EPHA7: variants seen among roughly 807,000 people sequenced by gnomAD.
EPHA7 encodes the protein ephrin type-A receptor 7.
In EPHA7, 25 loss-of-function variants were observed where a neutral mutation model predicts 112.6. The ratio of observed to expected loss-of-function variants is 0.22; its 90% CI spans 0.16 to 0.31. The LOEUF is 0.31. EPHA7 is among the 10% of genes least tolerant of loss of function. The pLI is 1.00. For missense variants in EPHA7, 962 were observed against 1,212.6 expected (o/e 0.79, Z 3.07); for synonymous variants, 437 against 406.5 (o/e 1.07, Z -0.90).
intron 1 of EPHA7, among the ~76,000 whole-genome samples, chr6:93,418,938 G>C (rs1035025791): frequency 1.3e-5 from 2 of 152,174 alleles, no homozygotes; most frequent in Admixed American, 6.5e-5. Flanking sequence ...AAATAAGCTC[G>C]CCGGCAGTTC....
intron 5 of EPHA7, among the ~76,000 whole-genome samples, chr6:93,273,865 G>T (rs569318622): frequency 6.6e-6 from 1 of 151,922 alleles, no homozygotes; most frequent in South Asian, 2.1e-4. Flanking sequence ...AGACTGCAAC[G>T]TTCAAGAGGC....
rs9452297 is a variant in EPHA7, at chr6:93,356,455, G to A, written c.1324+262C>T. 7.8e-3 allele frequency among the ~76,000 whole-genome samples: 1,190 copies of A among 152,008 alleles called. 17 individuals carry two copies. Among genetic ancestry groups the A allele is most frequent in the African/African-American group, 0.027 (1,128 of 41,452 alleles). ...GCTGACCTTGTGATCTGCCCGCCTCGGCCTCCCAAAATGCTGGGATTACAG... is the reference window on the plus strand; with the variant it reads ...GCTGACCTTGTGATCTGCCCGCCTCAGCCTCCCAAAATGCTGGGATTACAG... On this transcript the variant is annotated intron_variant, in intron 5 of 16. Transcript: ENST00000369303.
chr6:93,356,500 G>A (rs1486731646), intron 5 of EPHA7, among the ~76,000 whole-genome samples: 2 of 152,022 alleles, frequency 1.3e-5, no homozygotes, highest in South Asian at 2.1e-4. Context: ...ACCGCGCCTG[G>A]CCAATTTTAT....
At chr6:93,244,393 T>C (rs2127844802) in intron 16 of EPHA7, among the ~76,000 whole-genome samples, 1 of 152,116 alleles carries the variant, frequency 6.6e-6, no homozygotes, top group Admixed American at 6.5e-5. Flanking sequence ...TACCAGAAAA[T>C]AATATTTGAT....
intron 5 of EPHA7, among the ~76,000 whole-genome samples, chr6:93,287,441 C>T (rs1199769137): frequency 6.6e-6 from 1 of 151,812 alleles, no homozygotes; most frequent in Non-Finnish European, 1.5e-5. Context: ...CTCTCAGTAG[C>T]ATTAATATTT....
chr6:93,293,625 A>G (rs1772498436), intron 5 of EPHA7, among the ~76,000 whole-genome samples: 1 of 152,176 alleles, frequency 6.6e-6, no homozygotes, highest in African/African-American at 2.4e-5. Flanking sequence ...GTAACAAGTG[A>G]CAATATCAAC....
chr6:93,379,001 G>T (rs1315470253), intron 3 of EPHA7, among the ~76,000 whole-genome samples: 1 of 151,960 alleles, frequency 6.6e-6, no homozygotes, highest in Non-Finnish European at 1.5e-5. Context: ...CATAGAAATG[G>T]AGATGAAAAA....
Position 93,272,416 on chromosome 6 carries a change from G to T in EPHA7, c.1331C>A (p.Ser444Ter). 6.2e-7 allele frequency: 1 copy of T among 1,611,504 alleles called. No individual in the cohort carries two copies. Among genetic ancestry groups the T allele is most frequent in the Non-Finnish European group, 8.5e-7 (1 of 1,178,274 alleles). Residue 444 changes from serine (S) to a stop codon, truncating the protein, a stop_gained, in exon 6 of 17, where the codon TCG becomes TAG. Coordinates refer to ENST00000369303, the MANE Select transcript of EPHA7 (RefSeq NM_004440.4). LOFTEE classifies it high-confidence loss of function. The stretch of plus-strand genomic sequence containing the variant: ...CTCCTTCATTACTCCACTCACTTGC[G>T]AGGGAGCTGTTTGGACAAGATGTGT... ...VSITTGQAAP[S>*]QVSGVMKERV...
rs376059398 is a variant in EPHA7 at position 93,242,779 on chromosome 6, C to T, written c.*647G>A. 10 of 207,528 alleles carry T rather than the reference C, an allele frequency of 4.8e-5. No individual in the cohort carries two copies. Among genetic ancestry groups the T allele is most frequent in the East Asian group, 3.7e-4 (5 of 13,488 alleles). 12.9% of individuals were successfully genotyped at this position (207,528 alleles called of 1,614,324 possible). On this transcript the variant is annotated 3_prime_UTR_variant, in exon 17 of 17. Coordinates refer to ENST00000369303, the MANE Select transcript of EPHA7 (RefSeq NM_004440.4). The stretch of plus-strand genomic sequence containing the variant: ...AACTTGCATTTTCTTGACTACCTGC[C>T]AATTAGCAAACAATATCAAAACAGC...
intron 3 of EPHA7, among the ~76,000 whole-genome samples, chr6:93,376,717 T>C (rs746992505): frequency 1.1e-4 from 16 of 152,162 alleles, no homozygotes; most frequent in Admixed American, 1.3e-4. Flanking sequence ...TGAGGAAATG[T>C]AAGAGCTTTT....
At chr6:93,273,056 T>C (rs1226658021) in intron 5 of EPHA7, among the ~76,000 whole-genome samples, 2 of 151,956 alleles carry the variant, frequency 1.3e-5, no homozygotes, top group African/African-American at 4.8e-5. Context: ...CTCTTGCATG[T>C]GTAATTTATA....
chr6:93,364,384 C>T (rs1161680120), intron 3 of EPHA7, among the ~76,000 whole-genome samples: 1 of 151,740 alleles, frequency 6.6e-6, no homozygotes, highest in Non-Finnish European at 1.5e-5. Context: ...ATTAGCCAGG[C>T]GTGGTGGCAG....
rs1773195811 is a variant in EPHA7, at chr6:93,305,275, AAAAGT to A, written c.1325-32858_1325-32854del. ...AGGGTGAACAGTAAAAGACCAAAAT[AAAAGT>A]AAAAGATGGTATTAGTGAAAGGAGA... On this transcript the variant is annotated intron_variant, in intron 5 of 16. Coordinates refer to ENST00000369303, the MANE Select transcript of EPHA7 (RefSeq NM_004440.4). Among the ~76,000 whole-genome samples, 3 of 152,056 alleles carry A rather than the reference AAAAGT, an allele frequency of 2.0e-5. No homozygotes were observed. The South Asian group carries it at 6.2e-4, about 31-fold the overall frequency.
chr6:93,266,309 G>A (rs920610382), intron 7 of EPHA7, among the ~76,000 whole-genome samples: 1 of 151,500 alleles, frequency 6.6e-6, no homozygotes, highest in Non-Finnish European at 1.5e-5. Flanking sequence ...CCATTCAACC[G>A]ATGTGTCCCA....
chr6:93,389,318 C>T (rs1197652146), intron 3 of EPHA7, among the ~76,000 whole-genome samples: 2 of 152,024 alleles, frequency 1.3e-5, no homozygotes, highest in Non-Finnish European at 2.9e-5. Flanking sequence ...TTGTTCCATA[C>T]ACAACCTCTT....
intron 5 of EPHA7, among the ~76,000 whole-genome samples, chr6:93,300,178 C>A (rs1014204365): frequency 2.0e-5 from 3 of 151,970 alleles, no homozygotes; most frequent in African/African-American, 7.3e-5. Flanking sequence ...TTGTTTCTCA[C>A]GTGAGAAGCA....
At chr6:93,346,904 A>G (rs988023529) in intron 5 of EPHA7, among the ~76,000 whole-genome samples, 43 of 151,936 alleles carry the variant, frequency 2.8e-4, no homozygotes, top group Middle Eastern at 3.4e-3. Context: ...ATATTATTTT[A>G]GTAGATGAAT....
intron 5 of EPHA7, among the ~76,000 whole-genome samples, chr6:93,294,711 ATC>A (rs768050786): frequency 6.6e-6 from 1 of 152,102 alleles, no homozygotes; most frequent in South Asian, 2.1e-4. Context: ...TAACTAATAT[ATC>A]TGTTTATTTT....
intron 5 of EPHA7, among the ~76,000 whole-genome samples, chr6:93,276,073 A>G (rs1203356433): frequency 6.6e-6 from 1 of 152,066 alleles, no homozygotes; most frequent in Non-Finnish European, 1.5e-5. Flanking sequence ...GAGTGACCCC[A>G]CGAAGATGTC....
Sources: allele counts gnomAD v4.1 joint callset (sites outside exome capture counted in the v4.1 genomes callset), GRCh38; gene constraint gnomAD v4.1.1; transcripts MANE v1.5; gene names NCBI Gene and HGNC (gene_info 2026-07-23, HGNC 2026-07-21).